The following CUX1 variants were observed in gnomAD, a reference collection of about 807,000 sequenced individuals.
CUX1 encodes protein CASP.
CUX1 carries 31 observed loss-of-function variants against 158.8 expected under a neutral mutation model. That is an observed-to-expected ratio of 0.20 (90% CI 0.15 to 0.26). CUX1 has a LOEUF of 0.26. Ranked by LOEUF, CUX1 falls within the 10% of genes least tolerant of loss-of-function variation. The pLI is 1.00. For synonymous variants in CUX1, 879 were observed against 862.1 expected, an observed-to-expected ratio of 1.02 and a Z score of -0.34; for missense variants, 1,589 against 2,014.6, an observed-to-expected ratio of 0.79 and a Z score of 4.04.
chr7:101,964,637 G>C (rs1024312592), intron 2 of CUX1, among the ~76,000 whole-genome samples: 2 of 152,150 alleles, frequency 1.3e-5, no homozygotes, highest in African/African-American at 4.8e-5. Context: ...GGCTTTGGGA[G>C]TACTGGCTCC....
rs573698763 is a variant in CUX1, at chr7:102,114,553, C to T, written c.608-654C>T. On this transcript the variant is annotated intron_variant, in intron 7 of 23. Coordinates refer to ENST00000292535, the MANE Select transcript of CUX1 (RefSeq NM_181552.4). Reference sequence around the variant, plus strand: ...CAGCCTCCCAAAGTGTGAGCCACCTCGCCCAACCAGAAATAATAAAATACA... The same window carrying T: ...CAGCCTCCCAAAGTGTGAGCCACCTTGCCCAACCAGAAATAATAAAATACA... 1.7e-4 allele frequency among the ~76,000 whole-genome samples: 26 copies of T among 152,268 alleles called. No individual in the cohort carries two copies. The South Asian group carries it at 4.8e-3, about 28-fold the overall frequency.
At chr7:101,943,078 C>CTTTTTTTTTTTTTTTTTTTT (rs58332486) in intron 2 of CUX1, among the ~76,000 whole-genome samples, 2 of 80,332 alleles carry the variant, frequency 2.5e-5, no homozygotes, top group Admixed American at 1.5e-4. Context: ...CTGGTCAGTG[C>CTTTTTTTTTTTTTTTTTTTT]TTTTTTTTTT....
chr7:101,865,666 G>A (rs1365853242), intron 1 of CUX1, among the ~76,000 whole-genome samples: 1 of 152,226 alleles, frequency 6.6e-6, no homozygotes, highest in East Asian at 1.9e-4. Context: ...GGATGTTTGT[G>A]AACGCCGAAG....
At chr7:102,198,703 T>G (rs1320689678) in intron 15 of CUX1, 99 bp from the exon 16 acceptor site, 4 of 1,070,924 alleles carry the variant, frequency 3.7e-6, no homozygotes, top group Non-Finnish European at 5.7e-6. Context: ...AGCCCTTTCT[T>G]TAGTGACAGG....
At chr7:101,816,881 G>C (rs1285816491), upstream of CUX1, 3 of 976,268 alleles carry the variant, frequency 3.1e-6, no homozygotes, top group Non-Finnish European at 3.6e-6. Flanking sequence ...CCCGGGCCGC[G>C]CCGCCGCTCC....
intron 18 of CUX1, 143 bp downstream of exon 18, chr7:102,202,347 C>A: frequency 8.5e-7 from 1 of 1,175,566 alleles, no homozygotes; most frequent in Non-Finnish European, 1.2e-6. Flanking sequence ...CCCAGACTTC[C>A]AAGGTGCGGC....
chr7:102,085,612 C>T (rs1201630335), intron 4 of CUX1, among the ~76,000 whole-genome samples: 5 of 152,322 alleles, frequency 3.3e-5, no homozygotes, highest in South Asian at 2.1e-4. Flanking sequence ...TCCTCAGCCA[C>T]GCTCAACTGT....
At chr7:101,823,433 C>T (rs562184111) in intron 1 of CUX1, among the ~76,000 whole-genome samples, 19 of 152,282 alleles carry the variant, frequency 1.2e-4, no homozygotes, top group South Asian at 6.2e-4. Flanking sequence ...ATAAGGGGTC[C>T]GAACCTTTAT....
intron 10 of CUX1, among the ~76,000 whole-genome samples, chr7:102,172,143 TGGC>T (rs1426913551): frequency 2.6e-5 from 4 of 152,160 alleles, no homozygotes; most frequent in Non-Finnish European, 5.9e-5. Context: ...TGGAGTGTAG[TGGC>T]GTGATCTCAG....
At chr7:101,830,295 G>A (rs1214767762) in intron 1 of CUX1, among the ~76,000 whole-genome samples, 1 of 152,162 alleles carries the variant, frequency 6.6e-6, no homozygotes, top group East Asian at 1.9e-4. Context: ...TGGGATGTTG[G>A]GCGTGTGTTT....
intron 2 of CUX1, among the ~76,000 whole-genome samples, chr7:101,969,359 C>CAAA (rs10711703): frequency 1.6e-3 from 87 of 56,024 alleles, no homozygotes; most frequent in East Asian, 6.3e-3. Context: ...CAAAAAACAG[C>CAAA]AAAAAAAAAA....
chr7:101,840,594 T>G (rs1795113636), intron 1 of CUX1, among the ~76,000 whole-genome samples: 1 of 152,226 alleles, frequency 6.6e-6, no homozygotes, highest in Non-Finnish European at 1.5e-5. Context: ...TTCTTCCTCT[T>G]GTATTTTAAA....
At chr7:101,955,901 A>T (rs1158163755) in intron 2 of CUX1, among the ~76,000 whole-genome samples, 1 of 142,004 alleles carries the variant, frequency 7.0e-6, no homozygotes, top group East Asian at 1.9e-4. Flanking sequence ...TAAAAAAAAA[A>T]GGCTGGGCCC....
chr7:101,960,083 C>A (rs980451607), intron 2 of CUX1: 3 of 152,152 alleles, frequency 2.0e-5, no homozygotes, highest in African/African-American at 7.2e-5. Context: ...GGCCTCCGTT[C>A]GGTGCTTTTT....
chr7:101,951,332 A>G (rs1368349969), intron 2 of CUX1, among the ~76,000 whole-genome samples: 1 of 148,104 alleles, frequency 6.8e-6, no homozygotes, highest in Non-Finnish European at 1.5e-5. Context: ...CACTGTCTCA[A>G]AAAAAAAAAA....
chr7:101,913,006 G>A (rs779990730), intron 1 of CUX1: 34 of 160,588 alleles, frequency 2.1e-4, no homozygotes, highest in Non-Finnish European at 4.3e-4. Flanking sequence ...TGTAGTTGAC[G>A]CTTTGAGGAT....
At chr7:102,280,834 C>A in exon 20 of CUX1, 2 of 1,612,952 alleles carry the variant, frequency 1.2e-6, no homozygotes, top group South Asian at 1.1e-5. Flanking sequence ...GAGCTTGAGT[C>A]CCTGGGACAA....
intron 5 of CUX1, among the ~76,000 whole-genome samples, chr7:102,103,187 C>T (rs370999310): frequency 2.0e-5 from 3 of 152,262 alleles, no homozygotes; most frequent in South Asian, 2.1e-4. Context: ...TGCCAGTCAC[C>T]GGAGCATCTT....
intron 2 of CUX1, among the ~76,000 whole-genome samples, chr7:101,985,435 G>A (rs1814172150): frequency 6.6e-6 from 1 of 152,216 alleles, no homozygotes; most frequent in South Asian, 2.1e-4. Context: ...CACGATCATG[G>A]TGGCAGCTGC....
Sources: gnomAD v4.1 joint callset for allele counts (sites outside exome capture counted in the v4.1 genomes callset) on GRCh38, gnomAD v4.1.1 for gene constraint, MANE v1.5 for transcripts, NCBI Gene and HGNC (gene_info 2026-07-23, HGNC 2026-07-21) for gene names.